The following ADAMTS3 variants were observed in gnomAD, a reference collection of about 807,000 sequenced individuals.
The protein encoded by ADAMTS3 is A disintegrin and metalloproteinase with thrombospondin motifs 3.
Under a neutral mutation model 129.0 loss-of-function variants are expected in ADAMTS3, and 73 were observed. The ratio of observed to expected loss-of-function variants is 0.57; its 90% CI spans 0.47 to 0.69. The LOEUF is 0.69. ADAMTS3 is among the 30% of genes least tolerant of loss of function. The probability of loss-of-function intolerance (pLI) is 0.00; values close to 1 mark genes in which losing one functional copy is unlikely to be tolerated. For missense variants in ADAMTS3, 1,457 were observed against 1,514.5 expected, an observed-to-expected ratio of 0.96 and a Z score of 0.63; for synonymous variants, 477 against 510.8, an observed-to-expected ratio of 0.93 and a Z score of 0.89.
chr4:72,286,796 G>C (rs1455779194), intron 21 of ADAMTS3, among the ~76,000 whole-genome samples: 1 of 152,128 alleles, frequency 6.6e-6, no homozygotes, highest in African/African-American at 2.4e-5. Context: ...TAACGGAAGA[G>C]AGAGTGCAAC....
At chr4:72,533,021 T>C (rs1322780921) in intron 3 of ADAMTS3, among the ~76,000 whole-genome samples, 1 of 152,162 alleles carries the variant, frequency 6.6e-6, no homozygotes, top group Non-Finnish European at 1.5e-5. Context: ...AAAAATATTT[T>C]TCTTTCTCCA....
At chr4:72,567,709 A>G (rs1722052994) in intron 1 of ADAMTS3, among the ~76,000 whole-genome samples, 1 of 152,248 alleles carries the variant, frequency 6.6e-6, no homozygotes, top group African/African-American at 2.4e-5. Flanking sequence ...ATTAGAAAAG[A>G]AAGTATGAAT....
At chr4:72,360,221 G>T (rs1383026770) in intron 4 of ADAMTS3, among the ~76,000 whole-genome samples, 1 of 152,042 alleles carries the variant, frequency 6.6e-6, no homozygotes, top group Non-Finnish European at 1.5e-5. Flanking sequence ...TACACCATAG[G>T]AGGTTTTTCC....
chr4:72,519,345 T>C (rs1279278630), intron 3 of ADAMTS3, among the ~76,000 whole-genome samples: 1 of 152,212 alleles, frequency 6.6e-6, no homozygotes, highest in Non-Finnish European at 1.5e-5. Flanking sequence ...GGAGTATCTT[T>C]GTGGTGTTCT....
At chr4:72,526,761 T>C (rs1415039167) in intron 3 of ADAMTS3, among the ~76,000 whole-genome samples, 1 of 91,354 alleles carries the variant, frequency 1.1e-5, no homozygotes, top group Non-Finnish European at 2.4e-5. Context: ...TATATATATA[T>C]ATATATATAT....
At chr4:72,568,350 C>T (rs910020101) in intron 1 of ADAMTS3, among the ~76,000 whole-genome samples, 6 of 152,172 alleles carry the variant, frequency 3.9e-5, no homozygotes, top group African/African-American at 1.4e-4. Context: ...ATTCAAGCGC[C>T]CAGACCGCCC....
chr4:72,320,409 G>A (rs1719521827), intron 7 of ADAMTS3, among the ~76,000 whole-genome samples: 1 of 152,140 alleles, frequency 6.6e-6, no homozygotes, highest in South Asian at 2.1e-4. Flanking sequence ...ATTTCTCATG[G>A]CATCTCTTTT....
intron 3 of ADAMTS3, among the ~76,000 whole-genome samples, chr4:72,510,233 CA>C (rs1720276988): frequency 6.6e-6 from 1 of 152,028 alleles, no homozygotes; most frequent in Non-Finnish European, 1.5e-5. Flanking sequence ...TGCCCACTGT[CA>C]CCACTGTTAC....
chr4:72,292,247 G>C (rs1026724798), intron 19 of ADAMTS3, among the ~76,000 whole-genome samples: 4 of 152,154 alleles, frequency 2.6e-5, no homozygotes, highest in Non-Finnish European at 4.4e-5. Context: ...ATTCTACAGA[G>C]GATACACCTC....
chr4:72,343,318 C>A (rs544185256), intron 4 of ADAMTS3, among the ~76,000 whole-genome samples: 2 of 152,264 alleles, frequency 1.3e-5, no homozygotes, highest in East Asian at 1.9e-4. Flanking sequence ...GGCACAACTG[C>A]CAGCATTCAC....
At chr4:72,532,661 G>A (rs916792750) in intron 3 of ADAMTS3, among the ~76,000 whole-genome samples, 7 of 152,026 alleles carry the variant, frequency 4.6e-5, no homozygotes, top group East Asian at 1.9e-4. Flanking sequence ...TTACACAACC[G>A]TACATAGTGT....
At chr4:72,467,745 A>G (rs1718959783) in intron 3 of ADAMTS3, among the ~76,000 whole-genome samples, 1 of 152,042 alleles carries the variant, frequency 6.6e-6, no homozygotes, top group Non-Finnish European at 1.5e-5. Flanking sequence ...GTGAGGACAG[A>G]GTAGCAAGTT....
intron 3 of ADAMTS3, among the ~76,000 whole-genome samples, chr4:72,545,830 C>A (rs1721451671): frequency 6.6e-6 from 1 of 152,136 alleles, no homozygotes; most frequent in Non-Finnish European, 1.5e-5. Flanking sequence ...TCGAAATCAG[C>A]CCTCAAAAAC....
rs914004657 is a variant in ADAMTS3 at position 72,548,974 on chromosome 4, A to T, written c.98-90T>A. On this transcript the variant is annotated intron_variant, in intron 2 of 21. Transcript: ENST00000286657. ...AGACAAAAGCTGCCCACCTCACAAG[A>T]CCATACTTCAATGTGCATAATATAG... is the stretch of plus-strand genomic sequence containing the variant. 8.4e-6 allele frequency: 10 copies of T among 1,196,964 alleles called. No homozygotes were observed. The Admixed American group carries it at 1.3e-4, about 16-fold the overall frequency. The allele number at this position is 1,196,964 out of a possible 1,614,324, so 74.1% of individuals were successfully genotyped here. A position where few individuals can be genotyped will look rare whatever the true frequency, so the allele number is the denominator to read the frequency against.
At chr4:72,540,599 C>T (rs1721295356) in intron 3 of ADAMTS3, among the ~76,000 whole-genome samples, 2 of 152,186 alleles carry the variant, frequency 1.3e-5, no homozygotes, top group South Asian at 4.1e-4. Flanking sequence ...CCATCACACA[C>T]CCGGAGGTCT....
At chr4:72,452,775 A>G (rs1718440658) in intron 3 of ADAMTS3, among the ~76,000 whole-genome samples, 1 of 151,658 alleles carries the variant, frequency 6.6e-6, no homozygotes, top group East Asian at 2.0e-4. Context: ...CCTGCCCACC[A>G]CTTCCTTCAA....
intron 9 of ADAMTS3, 49 bp from the exon 10 acceptor site, chr4:72,318,753 T>G: frequency 6.4e-7 from 1 of 1,571,632 alleles, no homozygotes; most frequent in Non-Finnish European, 8.7e-7. Context: ...CTTAAAAAAA[T>G]CATGTCCTGA....
At chr4:72,448,274 A>G (rs1018341745) in intron 3 of ADAMTS3, among the ~76,000 whole-genome samples, 5 of 151,808 alleles carry the variant, frequency 3.3e-5, no homozygotes, top group African/African-American at 1.2e-4. Flanking sequence ...GGAAGCGAGC[A>G]AGCATCTTTA....
In ADAMTS3 at chr4:72,399,836, TATATACACACACG is replaced by T. The variant is rs1188074429; in HGVS notation, c.661+14966_661+14978del. On this transcript the variant is annotated intron_variant, in intron 4 of 21. Coordinates refer to ENST00000286657, the MANE Select transcript of ADAMTS3 (RefSeq NM_014243.3). ...CACGGTGTGTATATACGTGTGTATA[TATATACACACACG>T]GTGTGTATATACGTGTGTATATATA... 5.3e-4 allele frequency among the ~76,000 whole-genome samples: 72 copies of T among 136,502 alleles called. 12 individuals carry two copies. The highest frequency in any genetic ancestry group is 2.0e-3 in the South Asian group (9 of 4,524). 89.6% of individuals were successfully genotyped at this position (136,502 alleles called of 152,430 possible).
Sources: allele counts gnomAD v4.1 joint callset (sites outside exome capture counted in the v4.1 genomes callset), GRCh38; gene constraint gnomAD v4.1.1; transcripts MANE v1.5; gene names NCBI Gene and HGNC (gene_info 2026-07-23, HGNC 2026-07-21).